The following MAD1L1 variants were observed in gnomAD, a reference collection of about 807,000 sequenced individuals.
MAD1L1 encodes the protein mitotic spindle assembly checkpoint protein MAD1.
A neutral mutation model predicts 96.9 loss-of-function variants in MAD1L1; 95 were observed. The ratio of observed to expected loss-of-function variants is 0.98; its 90% CI spans 0.83 to 1.16. The LOEUF (loss-of-function observed/expected upper bound fraction) is 1.16, where lower values mean the gene tolerates loss of function less well. MAD1L1 is among the 50% of genes most tolerant of loss of function. The pLI, the probability that MAD1L1 is intolerant of heterozygous loss-of-function variation, is 0.00. For synonymous variants in MAD1L1, 473 were observed against 396.6 expected (o/e 1.19, Z -2.29); for missense variants, 1,007 against 954.4 (o/e 1.06, Z -0.73).
chr7:2,038,130 C>T (rs1433797850), intron 12 of MAD1L1, among the ~76,000 whole-genome samples: 2 of 152,248 alleles, frequency 1.3e-5, no homozygotes, highest in East Asian at 3.9e-4. Context: ...TCAAACCAGC[C>T]CCAACATTCC....
chr7:2,075,938 C>A (rs535380221), intron 11 of MAD1L1, among the ~76,000 whole-genome samples: 1 of 152,368 alleles, frequency 6.6e-6, no homozygotes, highest in Non-Finnish European at 1.5e-5. Flanking sequence ...ACTGGACTCT[C>A]CCCAGAAACC....
At chr7:2,059,163 A>C in intron 12 of MAD1L1, among the ~76,000 whole-genome samples, 1 of 36,438 alleles carries the variant, frequency 2.7e-5, no homozygotes, top group African/African-American at 1.2e-4. Flanking sequence ...CCAGAGGAGA[A>C]GAGAGGCGTG....
chr7:2,081,407 T>C (rs1562668244), intron 11 of MAD1L1, among the ~76,000 whole-genome samples: 1 of 152,156 alleles, frequency 6.6e-6, no homozygotes, highest in Non-Finnish European at 1.5e-5. Context: ...CCACCAACAC[T>C]TCTCCAATTT....
rs552386632 is a variant in MAD1L1 at position 1,916,180 on chromosome 7, G to A, written c.1808-17790C>T. On this transcript the variant is annotated intron_variant, in intron 17 of 18. Coordinates refer to ENST00000265854, the MANE Select transcript of MAD1L1 (RefSeq NM_001013836.2). ...GGGTGTGGGGCCCCTGGAGCCTCAC[G>A]TGGGACATGCAAACGGGTGAAGCCG... 2.4e-4 allele frequency among the ~76,000 whole-genome samples: 36 copies of A among 152,304 alleles called. No individual in the cohort carries two copies. In the Middle Eastern group the frequency reaches 0.014, roughly 58 times the overall value.
At chr7:1,973,505 T>G (rs1327867100) in intron 15 of MAD1L1, among the ~76,000 whole-genome samples, 1 of 151,926 alleles carries the variant, frequency 6.6e-6, no homozygotes, top group Non-Finnish European at 1.5e-5. Context: ...GCTGGGCCCC[T>G]ACAGTGGGGA....
intron 11 of MAD1L1, among the ~76,000 whole-genome samples, chr7:2,116,091 T>C (rs2128558669): frequency 6.6e-6 from 1 of 152,322 alleles, no homozygotes; most frequent in South Asian, 2.1e-4. Context: ...AGGGCCAAGG[T>C]GACCACAGAA....
chr7:2,209,128 A>C (rs1554252462), intron 10 of MAD1L1, among the ~76,000 whole-genome samples: 1 of 152,110 alleles, frequency 6.6e-6, no homozygotes, highest in Non-Finnish European at 1.5e-5. Context: ...TGTGCTGCAC[A>C]TGTCACATGT....
chr7:1,884,701 T>C (rs1279565720), intron 18 of MAD1L1, among the ~76,000 whole-genome samples: 1 of 152,154 alleles, frequency 6.6e-6, no homozygotes, highest in African/African-American at 2.4e-5. Flanking sequence ...GGAGAACCCC[T>C]GGTCCCACAT....
chr7:1,942,868 C>A (rs1025024446), intron 16 of MAD1L1, among the ~76,000 whole-genome samples: 5 of 152,152 alleles, frequency 3.3e-5, no homozygotes, highest in Non-Finnish European at 7.3e-5. Context: ...ACTCAGTCTC[C>A]TGATTTCAAA....
chr7:1,961,586 C>T (rs1385614630), intron 15 of MAD1L1, among the ~76,000 whole-genome samples: 2 of 152,126 alleles, frequency 1.3e-5, no homozygotes, highest in African/African-American at 4.8e-5. Flanking sequence ...AATCCTGAAC[C>T]AAAAGTTACA....
rs573890189 is a variant in MAD1L1, at chr7:2,119,508, T to C, written c.1073+29644A>G. On this transcript the variant is annotated intron_variant, in intron 11 of 18. Coordinates refer to ENST00000265854, the MANE Select transcript of MAD1L1 (RefSeq NM_001013836.2). This position sits in a 1 kb window ranked among gnomAD's most constrained non-coding sequence, Gnocchi z 4.6. ...AGCTCTTTACATCCTCCTGGCCCTG[T>C]GCAAGTTGACCCCAGGCAGCTCTCA... Among the ~76,000 whole-genome samples the C allele has an allele frequency of 5.9e-5, 9 of 152,252 alleles. No individual in the cohort carries two copies. In the South Asian group the frequency reaches 1.2e-3, roughly 21 times the overall value.
chr7:2,156,104 C>G (rs933872381), intron 10 of MAD1L1, among the ~76,000 whole-genome samples: 1 of 152,050 alleles, frequency 6.6e-6, no homozygotes, highest in Non-Finnish European at 1.5e-5. Context: ...CATGGTTTCA[C>G]GGCGCGTGTG....
chr7:2,180,128 A>G (rs1370804202), intron 10 of MAD1L1, among the ~76,000 whole-genome samples: 1 of 152,236 alleles, frequency 6.6e-6, no homozygotes. Flanking sequence ...GACTCACCAG[A>G]ACGCTGACAC....
intron 11 of MAD1L1, among the ~76,000 whole-genome samples, chr7:2,111,678 A>T (rs920762830): frequency 1.3e-5 from 2 of 152,228 alleles, no homozygotes; most frequent in African/African-American, 4.8e-5. Context: ...GGTTGGGGCC[A>T]GCAGCCGCAC....
At chr7:2,161,979 C>A (rs183385727) in intron 10 of MAD1L1, among the ~76,000 whole-genome samples, 3,387 of 147,594 alleles carry the variant, frequency 0.023, 190 homozygotes, top group African/African-American at 0.081. Context: ...AGGTGGGGGG[C>A]GGCCCCCGCC....
chr7:1,867,741 G>C (rs1006714674), intron 18 of MAD1L1, among the ~76,000 whole-genome samples: 1 of 152,232 alleles, frequency 6.6e-6, no homozygotes, highest in Non-Finnish European at 1.5e-5. Flanking sequence ...TGGGAGGGGT[G>C]GCACAGGGAG....
At chr7:2,232,297 G>A (rs1213463142) in intron 1 of MAD1L1, among the ~76,000 whole-genome samples, 1 of 152,258 alleles carries the variant, frequency 6.6e-6, no homozygotes, top group South Asian at 2.1e-4. Context: ...GCCCCGCAGA[G>A]GCAGGCCCGC....
intron 18 of MAD1L1, among the ~76,000 whole-genome samples, chr7:1,873,658 C>T (rs1046723392): frequency 6.6e-6 from 1 of 152,092 alleles, no homozygotes; most frequent in African/African-American, 2.4e-5. Context: ...CCACTGCTGC[C>T]TCCCTCACTG....
At chr7:1,871,366 GCCTGCCACGCTGAACCCACCGTAACA>G (rs1785083961) in intron 18 of MAD1L1, among the ~76,000 whole-genome samples, 2 of 126,302 alleles carry the variant, frequency 1.6e-5, no homozygotes, top group Non-Finnish European at 1.6e-5. Flanking sequence ...CCCAACATAT[GCCTGCCACGCTGAACCCACCGTAACA>G]CCTGCCACGC....
Sources: gnomAD v4.1 joint callset for allele counts (sites outside exome capture counted in the v4.1 genomes callset) on GRCh38, gnomAD v4.1.1 for gene constraint, Gnocchi (gnomAD v3.1) non-coding constraint, MANE v1.5 for transcripts, NCBI Gene and HGNC (gene_info 2026-07-23, HGNC 2026-07-21) for gene names.